The following PKIA variants were observed in gnomAD, a reference collection of about 807,000 sequenced individuals.
PKIA encodes cAMP-dependent protein kinase inhibitor alpha.
PKIA carries 4 observed loss-of-function variants against 7.6 expected under a neutral mutation model. The ratio of observed to expected loss-of-function variants is 0.52; its 90% CI spans 0.26 to 1.20. The LOEUF is 1.20. Ranked by LOEUF, PKIA falls within the 50% of genes most tolerant of loss-of-function variation. The pLI is 0.13. For missense variants in PKIA, 73 were observed against 86.2 expected (o/e 0.85, Z 0.61); for synonymous variants, 21 against 30.7 (o/e 0.68, Z 1.04).
At chr8:78,599,076 G>A (rs1808296056) in intron 3 of PKIA, among the ~76,000 whole-genome samples, 1 of 151,978 alleles carries the variant, frequency 6.6e-6, no homozygotes, top group Admixed American at 6.6e-5. Context: ...CAGATAGAAT[G>A]GGTTTGTGAA....
At chr8:78,586,704 A>G (rs1239325514) in intron 2 of PKIA, among the ~76,000 whole-genome samples, 2 of 152,220 alleles carry the variant, frequency 1.3e-5, no homozygotes, top group East Asian at 3.8e-4. Context: ...AATGTAAACT[A>G]CTTACATATT....
At chr8:78,586,975 T>C (rs1041694100) in intron 2 of PKIA, among the ~76,000 whole-genome samples, 9 of 152,220 alleles carry the variant, frequency 5.9e-5, no homozygotes, top group African/African-American at 1.9e-4. Context: ...GTTTTTGTTA[T>C]TGTTATTATT....
chr8:78,533,986 G>T (rs959839614), intron 1 of PKIA: 14 of 152,218 alleles, frequency 9.2e-5, no homozygotes, highest in African/African-American at 3.4e-4. Context: ...AAGGTTGATT[G>T]TCACTTCAGC....
At position 78,602,851 on chromosome 8, in the gene PKIA, A is replaced by G. The variant is rs1162866451; in HGVS notation, c.*1030A>G. On this transcript the variant is annotated 3_prime_UTR_variant, in exon 4 of 4. Transcript: ENST00000396418. The stretch of plus-strand genomic sequence containing the variant: ...TGATACTATTTAAATTTGGAGGACA[A>G]CTTATCTTCACTAAGCTGAATCAGG... The G allele has an allele frequency of 6.6e-6, 1 of 152,286 alleles. No individual in the cohort carries two copies. The highest frequency in any genetic ancestry group is 1.5e-5 in the Non-Finnish European group (1 of 67,932). 9.4% of individuals were successfully genotyped at this position (152,286 alleles called of 1,614,324 possible).
intron 1 of PKIA, among the ~76,000 whole-genome samples, chr8:78,538,596 G>A (rs958510704): frequency 2.0e-5 from 3 of 151,886 alleles, no homozygotes; most frequent in African/African-American, 7.3e-5. Context: ...TCAGGTATAC[G>A]GTAGTAGATC....
chr8:78,517,835 A>G (rs920973532), intron 1 of PKIA, among the ~76,000 whole-genome samples: 1 of 152,194 alleles, frequency 6.6e-6, no homozygotes, highest in Non-Finnish European at 1.5e-5. Flanking sequence ...AACAGTTGCA[A>G]TAAGCCAGAT....
intron 1 of PKIA, among the ~76,000 whole-genome samples, chr8:78,533,351 T>G (rs138158519): frequency 1.3e-5 from 2 of 152,296 alleles, no homozygotes; most frequent in African/African-American, 4.8e-5. Flanking sequence ...ACATGTTCGT[T>G]TGCAGTTTGA....
intron 1 of PKIA, among the ~76,000 whole-genome samples, chr8:78,569,500 C>G (rs917112720): frequency 1.3e-5 from 2 of 152,104 alleles, no homozygotes; most frequent in Admixed American, 1.3e-4. Flanking sequence ...TTGTAGCTTT[C>G]TTGCTACACC....
chr8:78,575,104 TA>T (rs71264196), intron 2 of PKIA, among the ~76,000 whole-genome samples: 1 of 151,992 alleles, frequency 6.6e-6, no homozygotes, highest in African/African-American at 2.4e-5. Flanking sequence ...ATTTTTATTT[TA>T]AAAACATTAT....
At chr8:78,556,284 G>C (rs948246581) in intron 1 of PKIA, among the ~76,000 whole-genome samples, 1 of 151,882 alleles carries the variant, frequency 6.6e-6, no homozygotes, top group Non-Finnish European at 1.5e-5. Context: ...TTCTTGTTAC[G>C]ATCAGGGAAA....
chr8:78,591,600 G>C (rs1808096289), intron 2 of PKIA, among the ~76,000 whole-genome samples: 1 of 152,056 alleles, frequency 6.6e-6, no homozygotes, highest in African/African-American at 2.4e-5. Context: ...AGAGATTTAT[G>C]CTTTAAAATT....
At chr8:78,544,883 GATTT>G (rs1806783105) in intron 1 of PKIA, among the ~76,000 whole-genome samples, 1 of 152,060 alleles carries the variant, frequency 6.6e-6, no homozygotes, top group Non-Finnish European at 1.5e-5. Flanking sequence ...GTTACCTGCA[GATTT>G]ATTTGTAATA....
At chr8:78,556,299 A>G (rs1045660967) in intron 1 of PKIA, among the ~76,000 whole-genome samples, 1 of 152,092 alleles carries the variant, frequency 6.6e-6, no homozygotes, top group African/African-American at 2.4e-5. Flanking sequence ...GGGAAAATGC[A>G]AGCAAGAATA....
chr8:78,574,991 G>T (rs1161740210), intron 2 of PKIA, among the ~76,000 whole-genome samples: 1 of 151,874 alleles, frequency 6.6e-6, no homozygotes, highest in Non-Finnish European at 1.5e-5. Context: ...TTAGCTGAAA[G>T]TTCTCTAAGT....
chr8:78,563,737 A>C (rs1337392392), intron 1 of PKIA, among the ~76,000 whole-genome samples: 1 of 152,146 alleles, frequency 6.6e-6, no homozygotes, highest in Non-Finnish European at 1.5e-5. Context: ...TGGAAAAAAA[A>C]TCTATAAAGA....
intron 2 of PKIA, among the ~76,000 whole-genome samples, chr8:78,573,866 A>G (rs1807613081): frequency 6.6e-6 from 1 of 152,000 alleles, no homozygotes; most frequent in African/African-American, 2.4e-5. Context: ...GATTCTAAGG[A>G]CAATTATAAG....
intron 2 of PKIA, among the ~76,000 whole-genome samples, chr8:78,575,120 T>C (rs1807642786): frequency 6.6e-6 from 1 of 151,988 alleles, no homozygotes; most frequent in African/African-American, 2.4e-5. Context: ...CATTATTATA[T>C]AGTATCTGAT....
chr8:78,535,705 T>G (rs753019140), intron 1 of PKIA: 1 of 152,036 alleles, frequency 6.6e-6, no homozygotes, highest in African/African-American at 2.4e-5. Flanking sequence ...TCTGCATCCA[T>G]GGATTCAACC....
chr8:78,532,509 CAAA>C (rs531910650), intron 1 of PKIA, among the ~76,000 whole-genome samples: 4 of 101,380 alleles, frequency 3.9e-5, no homozygotes, highest in African/African-American at 3.4e-5. Flanking sequence ...GACTCCATCT[CAAA>C]AAAAAAAAAA....
Sources: gnomAD v4.1 joint callset for allele counts (sites outside exome capture counted in the v4.1 genomes callset) on GRCh38, gnomAD v4.1.1 for gene constraint, MANE v1.5 for transcripts, NCBI Gene and HGNC (gene_info 2026-07-23, HGNC 2026-07-21) for gene names.